Variants in FHL1 observed in about 807,000 individuals in gnomAD.
FHL1 encodes the protein four and a half LIM domains protein 1.
FHL1 carries 1 observed loss-of-function variant against 20.3 expected under a neutral mutation model. The ratio of observed to expected loss-of-function variants is 0.05; its 90% CI spans 0.02 to 0.23. FHL1 has a LOEUF of 0.23. Among genes scored for constraint, FHL1 ranks in the 10% least tolerant of loss-of-function variants. The pLI, the probability that FHL1 is intolerant of heterozygous loss-of-function variation, is 1.00. For missense variants in FHL1, 177 were observed against 234.0 expected (o/e 0.76, Z 1.59); for synonymous variants, 82 against 88.9 (o/e 0.92, Z 0.44).
intron 1 of FHL1, among the ~76,000 whole-genome samples, chrX:136,161,744 A>C (rs1769065129): frequency 1.8e-5 from 2 of 111,741 alleles, no homozygotes; most frequent in African/African-American, 6.5e-5. Context: ...AAGATGAAAT[A>C]AAAAAATATT....
chrX:136,193,842 C>T (rs1417516130), upstream of FHL1, among the ~76,000 whole-genome samples: 1 of 110,217 alleles, frequency 9.1e-6, no homozygotes, highest in African/African-American at 3.3e-5. Context: ...TGCATGACTC[C>T]ATCTCATTCT....
At chrX:136,201,948 G>A (rs2073721699) in intron 1 of FHL1, among the ~76,000 whole-genome samples, 1 of 112,532 alleles carries the variant, frequency 8.9e-6, no homozygotes, top group African/African-American at 3.2e-5. Context: ...AGAAGTTCTG[G>A]AAGATTAAAG....
chrX:136,169,688 T>G (rs900302423), exon 1 of FHL1: 1 of 305,449 alleles, frequency 3.3e-6, no homozygotes, highest in African/African-American at 2.7e-5. Context: ...GGGAGCCAGA[T>G]CCACTGCCAG....
intron 1 of FHL1, among the ~76,000 whole-genome samples, chrX:136,201,154 A>G (rs984268704): frequency 1.8e-5 from 2 of 111,801 alleles, no homozygotes; most frequent in African/African-American, 6.5e-5. Flanking sequence ...ACAAAGTGAG[A>G]CTCCGTCTCA....
chrX:136,176,661 T>G (rs912353067), intron 2 of FHL1, among the ~76,000 whole-genome samples: 6 of 111,610 alleles, frequency 5.4e-5, no homozygotes, highest in African/African-American at 1.9e-4. Flanking sequence ...CAGTTATGTT[T>G]GGACTGAAAG....
At chrX:136,177,810 A>G (rs2073044871) in intron 2 of FHL1, among the ~76,000 whole-genome samples, 1 of 112,205 alleles carries the variant, frequency 8.9e-6, no homozygotes, top group African/African-American at 3.2e-5. Context: ...AGTTCAGTGC[A>G]TATGGAAGTT....
In FHL1 at chrX:136,207,974, G is replaced by C; in HGVS notation, c.549+13G>C. 1 of 1,211,498 alleles carries C rather than the reference G, an allele frequency of 8.3e-7. No homozygotes were observed. The highest frequency in any genetic ancestry group is 1.7e-5 in the African/African-American group (1 of 58,003). On this transcript the variant is annotated intron_variant, in intron 4 of 5. Coordinates refer to ENST00000370683, the MANE Select transcript of FHL1 (RefSeq NM_001159699.2). The stretch of plus-strand genomic sequence containing the variant: ...GAAGTGCAACAAGGTATGCTTTCAA[G>C]GGAGTTCTGCATTGACCGTTGTTTC...
At chrX:136,207,743 C>A in intron 3 of FHL1, 49 bp from the exon 4 acceptor site, 1 of 1,194,466 alleles carries the variant, frequency 8.4e-7, no homozygotes. Context: ...GTGGATGCAG[C>A]CCCCTGCAGA....
At chrX:136,160,047 A>G (rs1288285275) in intron 1 of FHL1, among the ~76,000 whole-genome samples, 1 of 112,257 alleles carries the variant, frequency 8.9e-6, no homozygotes, top group Admixed American at 9.4e-5. Context: ...GTGTGAAAAG[A>G]TTCGGTTTTT....
intron 2 of FHL1, among the ~76,000 whole-genome samples, chrX:136,171,623 C>G (rs867043998): frequency 8.9e-6 from 1 of 112,449 alleles, no homozygotes; most frequent in Non-Finnish European, 1.9e-5. Flanking sequence ...TCTGCAAATT[C>G]AATCAGCTTC....
chrX:136,206,401 C>T lies in FHL1; in HGVS notation c.23-6C>T. ...GGTCATTTGTCCTGTCTGCTTGCCC[C>T]CGCAGGTCCCTCCAGCTACAAGGTG... On this transcript the variant is annotated splice_region_variant and splice_polypyrimidine_tract_variant and intron_variant, in intron 1 of 5. Transcript: ENST00000370683. 3 of 1,211,753 alleles carry T rather than the reference C, an allele frequency of 2.5e-6. No individual in the cohort carries two copies. Among genetic ancestry groups the T allele is most frequent in the Non-Finnish European group, 3.4e-6 (3 of 895,514 alleles).
chrX:136,186,023 T>C (rs750497621), intron 2 of FHL1, among the ~76,000 whole-genome samples: 1 of 111,786 alleles, frequency 8.9e-6, no homozygotes, highest in South Asian at 3.9e-4. Flanking sequence ...GCATGAACAT[T>C]TGAAACTCAA....
intron 2 of FHL1, among the ~76,000 whole-genome samples, chrX:136,172,491 C>A (rs1399906342): frequency 2.7e-5 from 3 of 112,125 alleles, no homozygotes; most frequent in African/African-American, 9.7e-5. Flanking sequence ...GGTACAGTTC[C>A]AAGTCCCCAT....
At chrX:136,157,851 A>T (rs1474297166) in intron 1 of FHL1, among the ~76,000 whole-genome samples, 2 of 112,032 alleles carry the variant, frequency 1.8e-5, no homozygotes, top group African/African-American at 6.5e-5. Context: ...CTTAGTAAAT[A>T]GTTTCATTAT....
upstream of FHL1, among the ~76,000 whole-genome samples, chrX:136,194,121 T>C (rs2073498269): frequency 9.0e-6 from 1 of 111,623 alleles, no homozygotes; most frequent in Non-Finnish European, 1.9e-5. Context: ...TCAAGTCTTT[T>C]CTCATCTCCA....
chrX:136,162,669 G>A (rs1384871316), intron 1 of FHL1, among the ~76,000 whole-genome samples: 1 of 111,502 alleles, frequency 9.0e-6, no homozygotes, highest in Non-Finnish European at 1.9e-5. Flanking sequence ...TGGGGATGGG[G>A]CCCCGCCATC....
intron 2 of FHL1, among the ~76,000 whole-genome samples, chrX:136,187,153 AAAG>A (rs201808222): frequency 1.3e-3 from 107 of 85,368 alleles, no homozygotes; most frequent in South Asian, 4.7e-3. Context: ...AAAAGAGGAA[AAAG>A]AAAAAATATA....
At chrX:136,200,609 C>CAT (rs930181904) in intron 1 of FHL1, among the ~76,000 whole-genome samples, 7 of 112,155 alleles carry the variant, frequency 6.2e-5, no homozygotes, top group African/African-American at 9.7e-5. Context: ...AATCAACAGG[C>CAT]ATATACTGAG....
chrX:136,163,616 G>A (rs2072633387), intron 1 of FHL1, among the ~76,000 whole-genome samples: 2 of 111,808 alleles, frequency 1.8e-5, no homozygotes, highest in Admixed American at 9.5e-5. Context: ...AGGGTTTGGC[G>A]ATGGTTGCTG....
Sources: gnomAD v4.1 joint callset for allele counts (sites outside exome capture counted in the v4.1 genomes callset) on GRCh38, gnomAD v4.1.1 for gene constraint, MANE v1.5 for transcripts, NCBI Gene and HGNC (gene_info 2026-07-23, HGNC 2026-07-21) for gene names.